TRAPPC9: variants seen among roughly 807,000 people sequenced by gnomAD.
The protein encoded by TRAPPC9 is trafficking protein particle complex subunit 9.
TRAPPC9 carries 83 observed loss-of-function variants against 124.0 expected under a neutral mutation model. That is an observed-to-expected ratio of 0.67 (90% confidence interval 0.56 to 0.80). The LOEUF is 0.80. Ranked by LOEUF, TRAPPC9 falls within the 30% of genes least tolerant of loss-of-function variation. TRAPPC9 has a pLI of 0.00. For missense variants in TRAPPC9, 1,302 were observed against 1,508.3 expected, an observed-to-expected ratio of 0.86 and a Z score of 2.27; for synonymous variants, 638 against 617.5, an observed-to-expected ratio of 1.03 and a Z score of -0.49.
intron 17 of TRAPPC9, among the ~76,000 whole-genome samples, chr8:140,082,495 G>A (rs1466079605): frequency 6.6e-6 from 1 of 152,062 alleles, no homozygotes; most frequent in Admixed American, 6.5e-5. Context: ...ACCATGTCTT[G>A]ATATGTTAAT....
At chr8:139,812,296 A>T (rs1824496596) in intron 21 of TRAPPC9, among the ~76,000 whole-genome samples, 1 of 152,246 alleles carries the variant, frequency 6.6e-6, no homozygotes, top group Non-Finnish European at 1.5e-5. Context: ...AAACAATCGC[A>T]TTGTCACAGT....
intron 17 of TRAPPC9, among the ~76,000 whole-genome samples, chr8:140,194,614 C>G: frequency 6.6e-6 from 1 of 152,174 alleles, no homozygotes; most frequent in East Asian, 1.9e-4. Context: ...TAGGCACATT[C>G]TGTGCCTGGA....
At chr8:140,150,246 G>A (rs370134083) in intron 17 of TRAPPC9, among the ~76,000 whole-genome samples, 5 of 152,270 alleles carry the variant, frequency 3.3e-5, no homozygotes, top group Admixed American at 6.5e-5. Context: ...CCAGGAGCTC[G>A]AGACCAGCCA....
intron 21 of TRAPPC9, among the ~76,000 whole-genome samples, chr8:139,884,803 C>A (rs1006921000): frequency 1.3e-5 from 2 of 152,122 alleles, no homozygotes; most frequent in African/African-American, 4.8e-5. Context: ...AGGAAGAGGC[C>A]ACAGAAGGAG....
At chr8:139,852,907 G>A (rs1056848219) in intron 21 of TRAPPC9, among the ~76,000 whole-genome samples, 2 of 152,190 alleles carry the variant, frequency 1.3e-5, no homozygotes, top group African/African-American at 4.8e-5. Flanking sequence ...ATAGTCTCTT[G>A]GAGGTAGGCA....
At chr8:139,778,810 G>C (rs1215865773) in intron 21 of TRAPPC9, among the ~76,000 whole-genome samples, 1 of 152,128 alleles carries the variant, frequency 6.6e-6, no homozygotes, top group Non-Finnish European at 1.5e-5. Flanking sequence ...GCTGTAACTG[G>C]AGACCTCTGA....
At chr8:139,860,276 T>C (rs2130975766) in intron 21 of TRAPPC9, among the ~76,000 whole-genome samples, 1 of 152,338 alleles carries the variant, frequency 6.6e-6, no homozygotes, top group East Asian at 1.9e-4. Context: ...CAGCCGGGTA[T>C]GACCCCACAC....
At chr8:140,209,182 C>T (rs908520392) in intron 17 of TRAPPC9, among the ~76,000 whole-genome samples, 9 of 152,342 alleles carry the variant, frequency 5.9e-5, no homozygotes, top group Middle Eastern at 3.4e-3. Flanking sequence ...CCTAAAACAA[C>T]GAGCAGGAGT....
At chr8:140,165,572 G>C (rs907762494) in intron 17 of TRAPPC9, among the ~76,000 whole-genome samples, 1 of 138,046 alleles carries the variant, frequency 7.2e-6, no homozygotes, top group Non-Finnish European at 1.5e-5. Context: ...GAAGGGAAGA[G>C]GAGGGGAAGG....
intron 4 of TRAPPC9, among the ~76,000 whole-genome samples, chr8:140,430,633 T>C (rs138148493): frequency 0.011 from 1,657 of 151,992 alleles, 17 homozygotes; most frequent in Non-Finnish European, 0.016. Flanking sequence ...TCATGGAAAA[T>C]GTGGGGGTTG....
chr8:139,989,987 G>A (rs1157241380), intron 18 of TRAPPC9, among the ~76,000 whole-genome samples: 2 of 152,174 alleles, frequency 1.3e-5, no homozygotes, highest in Non-Finnish European at 2.9e-5. Flanking sequence ...CTGAGCAGAG[G>A]CCATTCTTCT....
chr8:139,944,374 C>T (rs1049562357), intron 19 of TRAPPC9, among the ~76,000 whole-genome samples: 4 of 152,254 alleles, frequency 2.6e-5, no homozygotes, highest in Non-Finnish European at 5.9e-5. Flanking sequence ...CTTCTTAAAA[C>T]ATATCATTAT....
rs1818655323 is a variant in TRAPPC9, at chr8:139,742,879, A to G, written c.3056-10677T>C. Reference sequence around the variant, plus strand: ...GTGTACAGCAGAGATTTCAAACCACAGTGGACTTTTCAAGAGACCTGCCTG... The same window carrying G: ...GTGTACAGCAGAGATTTCAAACCACGGTGGACTTTTCAAGAGACCTGCCTG... On this transcript the variant is annotated intron_variant, in intron 21 of 22. Coordinates refer to ENST00000438773, the MANE Select transcript of TRAPPC9 (RefSeq NM_001160372.4). This position sits in a 1 kb window ranked among gnomAD's most constrained non-coding sequence, Gnocchi z 4.7. Among the ~76,000 whole-genome samples the G allele has an allele frequency of 6.6e-6, 1 of 152,168 alleles. No homozygotes were observed. The highest frequency in any genetic ancestry group is 1.5e-5 in the Non-Finnish European group (1 of 68,032).
intron 17 of TRAPPC9, among the ~76,000 whole-genome samples, chr8:140,131,094 G>A (rs1483619311): frequency 6.6e-6 from 1 of 152,052 alleles, no homozygotes; most frequent in Non-Finnish European, 1.5e-5. Flanking sequence ...TTATTCCATT[G>A]TAAAGGTGTT....
At chr8:140,352,240 A>G (rs886936586) in intron 9 of TRAPPC9, among the ~76,000 whole-genome samples, 12 of 152,234 alleles carry the variant, frequency 7.9e-5, no homozygotes, top group Non-Finnish European at 1.3e-4. Flanking sequence ...GAGCATTCTC[A>G]TATACTTTAG....
chr8:140,251,586 G>T (rs747806612), intron 16 of TRAPPC9, among the ~76,000 whole-genome samples: 1 of 152,188 alleles, frequency 6.6e-6, no homozygotes, highest in Non-Finnish European at 1.5e-5. Flanking sequence ...CTCTATGGAG[G>T]GCGTCTGTTA....
chr8:140,341,112 A>G (rs915692356), intron 9 of TRAPPC9, among the ~76,000 whole-genome samples: 3 of 152,236 alleles, frequency 2.0e-5, no homozygotes, highest in Non-Finnish European at 4.4e-5. Context: ...CTCTATGATT[A>G]GGCTGGGATT....
At chr8:140,399,250 C>T (rs544245433) in intron 6 of TRAPPC9, among the ~76,000 whole-genome samples, 1 of 152,240 alleles carries the variant, frequency 6.6e-6, no homozygotes, top group African/African-American at 2.4e-5. Context: ...GGTTGGAGCC[C>T]CCACACAGAG....
intron 17 of TRAPPC9, among the ~76,000 whole-genome samples, chr8:140,215,105 G>A (rs73364949): frequency 7.9e-5 from 12 of 152,198 alleles, no homozygotes; most frequent in Admixed American, 3.9e-4. Context: ...AGGCTCAGCC[G>A]TCCCGCAGAA....
Sources: allele counts gnomAD v4.1 joint callset (sites outside exome capture counted in the v4.1 genomes callset), GRCh38; gene constraint gnomAD v4.1.1; non-coding constraint Gnocchi (gnomAD v3.1); transcripts MANE v1.5; gene names NCBI Gene and HGNC (gene_info 2026-07-23, HGNC 2026-07-21).